The following SLC16A12 variants were observed in gnomAD, a reference collection of about 807,000 sequenced individuals.
The protein encoded by SLC16A12 is solute carrier family 16 member 12.
In SLC16A12, 17 loss-of-function variants were observed where a neutral mutation model predicts 42.4. The observed-to-expected ratio is 0.40, with a 90% CI of 0.27 to 0.60. The LOEUF is 0.60. Ranked by LOEUF, SLC16A12 falls within the 20% of genes least tolerant of loss-of-function variation. The pLI is 0.42. For synonymous variants in SLC16A12, 224 were observed against 229.4 expected (o/e 0.98, Z 0.21); for missense variants, 544 against 623.0 (o/e 0.87, Z 1.35).
intron 2 of SLC16A12, among the ~76,000 whole-genome samples, chr10:89,518,287 G>C (rs1843289975): frequency 1.3e-5 from 2 of 152,150 alleles, no homozygotes. Flanking sequence ...GGGCACTCTG[G>C]CTTCTCTCTG....
At chr10:89,505,565 G>A (rs1162087821) in intron 2 of SLC16A12, among the ~76,000 whole-genome samples, 2 of 152,118 alleles carry the variant, frequency 1.3e-5, no homozygotes, top group Non-Finnish European at 2.9e-5. Context: ...TCATCTCACT[G>A]GGACTGATTG....
At chr10:89,519,836 C>T (rs537466196) in intron 2 of SLC16A12, among the ~76,000 whole-genome samples, 7 of 152,154 alleles carry the variant, frequency 4.6e-5, no homozygotes, top group South Asian at 2.1e-4. Flanking sequence ...ATACAAAGGC[C>T]GGGTGCGGTG....
intron 3 of SLC16A12, among the ~76,000 whole-genome samples, chr10:89,448,162 C>A (rs1485570007): frequency 3.3e-5 from 5 of 152,114 alleles, no homozygotes; most frequent in African/African-American, 1.2e-4. Flanking sequence ...GGATTCACAG[C>A]CGAATTCTAT....
chr10:89,482,106 A>G (rs568421700), intron 2 of SLC16A12, among the ~76,000 whole-genome samples: 64 of 152,306 alleles, frequency 4.2e-4, no homozygotes, highest in African/African-American at 1.5e-3. Flanking sequence ...TTAATCATCT[A>G]AAAGATTGAA....
intron 5 of SLC16A12, among the ~76,000 whole-genome samples, chr10:89,440,440 C>T (rs1410400683): frequency 6.6e-6 from 1 of 152,196 alleles, no homozygotes; most frequent in Non-Finnish European, 1.5e-5. Flanking sequence ...CTTTATTGAC[C>T]TTATTCACGC....
chr10:89,527,490 A>C (rs562041490), intron 2 of SLC16A12, among the ~76,000 whole-genome samples: 1 of 151,764 alleles, frequency 6.6e-6, no homozygotes, highest in African/African-American at 2.4e-5. Context: ...CTCAAAAAAA[A>C]AATAATAAAA....
intron 3 of SLC16A12, among the ~76,000 whole-genome samples, chr10:89,458,701 T>C (rs1405584473): frequency 6.6e-6 from 1 of 152,182 alleles, no homozygotes; most frequent in African/African-American, 2.4e-5. Flanking sequence ...TACGATTTGG[T>C]TGGGAACAAG....
intron 2 of SLC16A12, among the ~76,000 whole-genome samples, chr10:89,464,170 T>C (rs956322343): frequency 2.0e-5 from 3 of 152,188 alleles, no homozygotes; most frequent in Non-Finnish European, 4.4e-5. Context: ...GCAAGAAACA[T>C]GAAGATCTCA....
At chr10:89,535,958 G>T (rs1349111608), upstream of SLC16A12, among the ~76,000 whole-genome samples, 1 of 152,264 alleles carries the variant, frequency 6.6e-6, no homozygotes, top group East Asian at 1.9e-4. Flanking sequence ...CTCCGCCGGG[G>T]ACTCTGCCTG....
chr10:89,518,591 C>G (rs950720382), intron 2 of SLC16A12, among the ~76,000 whole-genome samples: 2 of 152,098 alleles, frequency 1.3e-5, no homozygotes, highest in African/African-American at 4.8e-5. Context: ...TTAAAAAATT[C>G]AAATCTGGAA....
rs189413379 is a variant in SLC16A12, at chr10:89,516,327, C to G, written c.-47+18174G>C. Among the ~76,000 whole-genome samples the G allele has an allele frequency of 2.2e-4, 33 of 152,332 alleles. 2 individuals are homozygous for G. Among genetic ancestry groups the G allele is most frequent in the Admixed American group, 2.1e-3 (32 of 15,304 alleles). On this transcript the variant is annotated intron_variant, in intron 2 of 7. Transcript: ENST00000371790. ...CCAGCCCCTCCCGATGATGTCACCA[C>G]TCGGCTACTTCACACTGGAGGCCCC...
intron 2 of SLC16A12, among the ~76,000 whole-genome samples, chr10:89,498,985 A>C (rs1842960240): frequency 6.6e-6 from 1 of 152,222 alleles, no homozygotes; most frequent in Non-Finnish European, 1.5e-5. Flanking sequence ...AACAGCCTTC[A>C]GCCCTAGATC....
At chr10:89,441,426 A>T (rs1841909729) in intron 4 of SLC16A12, among the ~76,000 whole-genome samples, 175 bp from the exon 5 acceptor site, 1 of 152,138 alleles carries the variant, frequency 6.6e-6, no homozygotes, top group African/African-American at 2.4e-5. Flanking sequence ...GGTCCCACAG[A>T]TAATAAGCAG....
chr10:89,436,414 T>C, intron 6 of SLC16A12, 95 bp from the exon 7 acceptor site: 8 of 1,447,218 alleles, frequency 5.5e-6, no homozygotes, highest in Non-Finnish European at 7.7e-6. Flanking sequence ...ATTGCAGTTA[T>C]TTACAGAGAT....
intron 3 of SLC16A12, among the ~76,000 whole-genome samples, chr10:89,455,299 G>A (rs557588921): frequency 1.5e-4 from 23 of 152,110 alleles, no homozygotes; most frequent in African/African-American, 5.1e-4. Context: ...ATTGTTTTGG[G>A]GAACTTAGTA....
intron 2 of SLC16A12, among the ~76,000 whole-genome samples, chr10:89,520,067 C>T (rs543027802): frequency 4.7e-5 from 7 of 150,294 alleles, no homozygotes; most frequent in Non-Finnish European, 7.4e-5. Context: ...GAGCCGAGAT[C>T]GCGCCACTAC....
chr10:89,518,163 C>T (rs894044698), intron 2 of SLC16A12, among the ~76,000 whole-genome samples: 1 of 152,216 alleles, frequency 6.6e-6, no homozygotes, highest in Non-Finnish European at 1.5e-5. Flanking sequence ...CCTGGGCCTC[C>T]ATGAAGCCCT....
rs989142736 is a variant in SLC16A12, at chr10:89,430,424, GA to G, written c.*2639del. 3.3e-6 allele frequency: 1 copy of G among 298,958 alleles called. No individual in the cohort carries two copies. Among genetic ancestry groups the G allele is most frequent in the African/African-American group, 2.3e-5 (1 of 43,142 alleles). 18.5% of individuals were successfully genotyped at this position (298,958 alleles called of 1,614,324 possible). ...ATCATACAGTGTATCTACAAAGTTA[GA>G]TAATGTCTTCTGATTTTCTACTCAG... is the stretch of plus-strand genomic sequence containing the variant. On this transcript the variant is annotated 3_prime_UTR_variant, in exon 8 of 8. Coordinates refer to ENST00000371790, the MANE Select transcript of SLC16A12 (RefSeq NM_213606.4).
intron 2 of SLC16A12, among the ~76,000 whole-genome samples, chr10:89,506,139 G>A (rs1055534549): frequency 1.3e-5 from 2 of 152,160 alleles, no homozygotes; most frequent in Non-Finnish European, 2.9e-5. Context: ...GCGCAGCTGT[G>A]GGCACAGCTT....
Sources: gnomAD v4.1 joint callset for allele counts (sites outside exome capture counted in the v4.1 genomes callset) on GRCh38, gnomAD v4.1.1 for gene constraint, MANE v1.5 for transcripts, NCBI Gene and HGNC (gene_info 2026-07-23, HGNC 2026-07-21) for gene names.